The following TTL variants were observed in gnomAD, a reference collection of about 807,000 sequenced individuals.
TTL encodes tubulin tyrosine ligase, also known as tubulin--tyrosine ligase.
TTL carries 10 observed loss-of-function variants against 41.1 expected under a neutral mutation model. That is an observed-to-expected ratio of 0.24 (90% CI 0.15 to 0.41). The LOEUF is 0.41. Among genes scored for constraint, TTL ranks in the 10% least tolerant of loss-of-function variants. The pLI, the probability that TTL is intolerant of heterozygous loss-of-function variation, is 1.00. For synonymous variants in TTL, 175 were observed against 175.5 expected (o/e 1.00, Z 0.02); for missense variants, 367 against 460.4 (o/e 0.80, Z 1.86).
At position 112,534,091 on chromosome 2, in the gene TTL, G is replaced by A. The variant is rs539775643; in HGVS notation, c.*5296G>A. 2 of 152,294 alleles carry A rather than the reference G, an allele frequency of 1.3e-5. No individual in the cohort carries two copies. Among genetic ancestry groups the A allele is most frequent in the East Asian group, 3.9e-4 (2 of 5,160 alleles). 9.4% of individuals were successfully genotyped at this position (152,294 alleles called of 1,614,324 possible). On this transcript the variant is annotated 3_prime_UTR_variant, in exon 7 of 7. Transcript: ENST00000233336. ...AATCCCAGCACTTCGGGAGGCCAAGGCGGGCGATCACGAGGTCAGGAGATG... is the reference window on the plus strand; with the variant it reads ...AATCCCAGCACTTCGGGAGGCCAAGACGGGCGATCACGAGGTCAGGAGATG...
At position 112,534,903 on chromosome 2, in the gene TTL, A is replaced by T. The variant is rs1682571208; in HGVS notation, c.*6108A>T. The T allele has an allele frequency of 6.6e-6, 1 of 151,628 alleles. No homozygotes were observed. The highest frequency in any genetic ancestry group is 1.5e-5 in the Non-Finnish European group (1 of 67,898). The allele number at this position is 151,628 out of a possible 1,614,324, so 9.4% of individuals were successfully genotyped here. On this transcript the variant is annotated 3_prime_UTR_variant, in exon 7 of 7. Transcript: ENST00000233336. ...ACCTTAAGTGTCTGCACAAACAGAG[A>T]GGACAGAGGCAGAAGGAGGGAAAGA...
Position 112,531,155 on chromosome 2 carries a change from A to G in TTL, c.*2360A>G, listed in dbSNP as rs950224212. The G allele has an allele frequency of 2.8e-5, 6 of 212,680 alleles. No homozygotes were observed. Among genetic ancestry groups the G allele is most frequent in the African/African-American group, 1.4e-4 (6 of 44,088 alleles). The allele number at this position is 212,680 out of a possible 1,614,324, so 13.2% of individuals were successfully genotyped here. ...CCACCAAGCCTGGCTTTATGTATTT[A>G]TTTCTGTTCATGCGGAATGATTGGT... On this transcript the variant is annotated 3_prime_UTR_variant, in exon 7 of 7. Transcript: ENST00000233336.
chr2:112,513,943 T>C (rs887268293), intron 5 of TTL, among the ~76,000 whole-genome samples: 7 of 152,176 alleles, frequency 4.6e-5, no homozygotes, highest in Non-Finnish European at 8.8e-5. Flanking sequence ...ATATTACATA[T>C]ATTTTAAACT....
chr2:112,500,722 C>A (rs1397776853), intron 3 of TTL, among the ~76,000 whole-genome samples: 1 of 152,244 alleles, frequency 6.6e-6, no homozygotes, highest in Admixed American at 6.5e-5. Flanking sequence ...AAGGATATAT[C>A]AATTATTTAA....
intron 3 of TTL, among the ~76,000 whole-genome samples, chr2:112,500,902 A>C (rs115410449): frequency 0.044 from 5,449 of 122,686 alleles, 207 homozygotes; most frequent in East Asian, 0.1. Context: ...GTGACTAGTA[A>C]TAGAATGGTA....
At chr2:112,493,449 G>C (rs1335859408) in intron 2 of TTL, among the ~76,000 whole-genome samples, 2 of 152,154 alleles carry the variant, frequency 1.3e-5, no homozygotes, top group Non-Finnish European at 2.9e-5. Context: ...CCATGACCCA[G>C]TTCCTAATTT....
At chr2:112,485,746 A>C (rs1392186420) in intron 1 of TTL, among the ~76,000 whole-genome samples, 171 bp from the exon 2 acceptor site, 2 of 152,198 alleles carry the variant, frequency 1.3e-5, no homozygotes, top group African/African-American at 4.8e-5. Context: ...TTGCCAGCGG[A>C]ATACTGAGAG....
chr2:112,525,570 C>G (rs1052387700), intron 6 of TTL, among the ~76,000 whole-genome samples: 1 of 152,158 alleles, frequency 6.6e-6, no homozygotes, highest in Non-Finnish European at 1.5e-5. Context: ...TGGGAGTTCA[C>G]TCATGATTTG....
At chr2:112,496,166 A>G (rs1021608155) in intron 3 of TTL, among the ~76,000 whole-genome samples, 1 of 152,172 alleles carries the variant, frequency 6.6e-6, no homozygotes, top group Non-Finnish European at 1.5e-5. Context: ...TGGAGTCAGA[A>G]TGGCCACTGT....
At chr2:112,496,373 T>C (rs1681522279) in intron 3 of TTL, among the ~76,000 whole-genome samples, 1 of 152,230 alleles carries the variant, frequency 6.6e-6, no homozygotes, top group Admixed American at 6.5e-5. Context: ...GTTTTTATTC[T>C]TGTTAAACAA....
At chr2:112,502,345 A>G (rs1209866615) in intron 4 of TTL, among the ~76,000 whole-genome samples, 7 of 152,162 alleles carry the variant, frequency 4.6e-5, no homozygotes, top group African/African-American at 1.7e-4. Context: ...TTAAAATCCA[A>G]CCCATCCAGG....
chr2:112,540,433 C>CAAAAAAAA lies in TTL; in HGVS notation c.*11647_*11654dup, dbSNP rs76177853. 1.1e-4 allele frequency: 13 copies of CAAAAAAAA among 113,846 alleles called. No homozygotes were observed. The highest frequency in any genetic ancestry group is 3.7e-4 in the African/African-American group (12 of 32,584). 7.1% of individuals were successfully genotyped at this position (113,846 alleles called of 1,614,324 possible). ...AACTCTGTCTCAAAAAAACAAAAAA[C>CAAAAAAAA]AAAAAAAAAAAAAAAAGAGAAAGAA... On this transcript the variant is annotated 3_prime_UTR_variant, in exon 7 of 7. Transcript: ENST00000233336.
Position 112,523,172 on chromosome 2 carries a change from C to A in TTL, c.1019+2747C>A, listed in dbSNP as rs560216719. On this transcript the variant is annotated intron_variant, in intron 6 of 6. Transcript: ENST00000233336. ...TGTGGAATCCCCACCACCATTACCA[C>A]CACCACCACCAGCCTTACCGTGGCT... 1.2e-3 allele frequency among the ~76,000 whole-genome samples: 178 copies of A among 152,314 alleles called. 1 individual carries two copies. Among genetic ancestry groups the A allele is most frequent in the Middle Eastern group, 3.4e-3 (1 of 294 alleles).
rs1188184315 is a variant in TTL at position 112,538,017 on chromosome 2, A to G, written c.*9222A>G. 1.3e-5 allele frequency: 2 copies of G among 152,234 alleles called. No individual in the cohort carries two copies. The highest frequency in any genetic ancestry group is 2.9e-5 in the Non-Finnish European group (2 of 68,040). The allele number at this position is 152,234 out of a possible 1,614,324, so 9.4% of individuals were successfully genotyped here. On this transcript the variant is annotated 3_prime_UTR_variant, in exon 7 of 7. Coordinates refer to ENST00000233336, the MANE Select transcript of TTL (RefSeq NM_153712.5). ...TAAAAGAATTGAAATTATACTACAT[A>G]TGTTCTCTGACCATGTTGGAATAAA... is the stretch of plus-strand genomic sequence containing the variant.
intron 1 of TTL, among the ~76,000 whole-genome samples, chr2:112,484,124 G>C (rs1280835213): frequency 6.6e-6 from 1 of 151,996 alleles, no homozygotes; most frequent in Admixed American, 6.6e-5. Flanking sequence ...GCATTACCCT[G>C]GTGCTTAAGC....
At position 112,535,611 on chromosome 2, in the gene TTL, TAGA is replaced by T. The variant is rs2104486158; in HGVS notation, c.*6817_*6819del. 1 of 149,978 alleles carries T rather than the reference TAGA, an allele frequency of 6.7e-6. No individual in the cohort carries two copies. The highest frequency in any genetic ancestry group is 2.1e-4 in the South Asian group (1 of 4,730). The allele number at this position is 149,978 out of a possible 1,614,324, so 9.3% of individuals were successfully genotyped here. A position where few individuals can be genotyped will look rare whatever the true frequency, so the allele number is the denominator to read the frequency against. The stretch of plus-strand genomic sequence containing the variant: ...GAAAAGAGAAGGAAGTAATGAAAAA[TAGA>T]GGAGAAAAAAAAGGCAAGAGGCCTA... On this transcript the variant is annotated 3_prime_UTR_variant, in exon 7 of 7. Transcript: ENST00000233336.
chr2:112,484,271 CTGTT>C (rs1408480304), intron 1 of TTL, among the ~76,000 whole-genome samples: 2 of 124,552 alleles, frequency 1.6e-5, no homozygotes, highest in African/African-American at 3.0e-5. Context: ...TTTTGTTTGT[CTGTT>C]TGTTTTGCGA....
At chr2:112,494,051 C>T (rs755731458) in intron 2 of TTL, 92 bp from the exon 3 acceptor site, 66 of 945,994 alleles carry the variant, frequency 7.0e-5, no homozygotes, top group Non-Finnish European at 8.3e-5. Context: ...CTTTGCCTCC[C>T]GGAAAGTCTC....
chr2:112,484,561 G>A (rs1427510591), intron 1 of TTL, among the ~76,000 whole-genome samples: 1 of 151,986 alleles, frequency 6.6e-6, no homozygotes, highest in Admixed American at 6.6e-5. Flanking sequence ...CACCGTGCCC[G>A]GCCAACATTT....
Sources: gnomAD v4.1 joint callset for allele counts (sites outside exome capture counted in the v4.1 genomes callset) on GRCh38, gnomAD v4.1.1 for gene constraint, MANE v1.5 for transcripts, NCBI Gene and HGNC (gene_info 2026-07-23, HGNC 2026-07-21) for gene names.